PAK5: variants seen among roughly 807,000 people sequenced by gnomAD.
The protein encoded by PAK5 is serine/threonine-protein kinase PAK 5.
A neutral mutation model predicts 65.9 loss-of-function variants in PAK5; 16 were observed. The observed-to-expected ratio is 0.24, with a 90% CI of 0.16 to 0.37. The LOEUF is 0.37. Among genes scored for constraint, PAK5 ranks in the 10% least tolerant of loss-of-function variants. PAK5 has a pLI of 1.00. For missense variants in PAK5, 785 were observed against 903.9 expected, an observed-to-expected ratio of 0.87 and a Z score of 1.69; for synonymous variants, 371 against 354.9, an observed-to-expected ratio of 1.05 and a Z score of -0.51.
At chr20:9,749,354 A>G (rs1182218590) in intron 1 of PAK5, among the ~76,000 whole-genome samples, 1 of 152,158 alleles carries the variant, frequency 6.6e-6, no homozygotes, top group Non-Finnish European at 1.5e-5. Flanking sequence ...CTTTCTAATA[A>G]TCTATAATTC....
At chr20:9,676,608 G>T (rs755775248) in intron 2 of PAK5, among the ~76,000 whole-genome samples, 1 of 152,056 alleles carries the variant, frequency 6.6e-6, no homozygotes, top group Non-Finnish European at 1.5e-5. Context: ...AGGGAGAAAG[G>T]GACTTGTTCT....
At chr20:9,776,541 A>G (rs2048888915) in intron 1 of PAK5, among the ~76,000 whole-genome samples, 2 of 152,214 alleles carry the variant, frequency 1.3e-5, no homozygotes, top group South Asian at 4.1e-4. Flanking sequence ...GTTGGTTACA[A>G]ACAGAATAAG....
chr20:9,556,921 T>C (rs2045516296), intron 7 of PAK5, among the ~76,000 whole-genome samples: 1 of 151,854 alleles, frequency 6.6e-6, no homozygotes, highest in South Asian at 2.1e-4. Context: ...GGAAGAAGAG[T>C]GAGGTTGGAG....
intron 3 of PAK5, among the ~76,000 whole-genome samples, chr20:9,637,602 G>A (rs2046998642): frequency 6.6e-6 from 1 of 151,620 alleles, no homozygotes; most frequent in Non-Finnish European, 1.5e-5. Context: ...TCCCTTAGTA[G>A]AGAAATGGAT....
chr20:9,739,763 G>A (rs62192880), intron 1 of PAK5, among the ~76,000 whole-genome samples: 26,851 of 152,002 alleles, frequency 0.18, 2,618 homozygotes, highest in South Asian at 0.32. Context: ...AGGATAGAAG[G>A]GAAGTATGTT....
Position 9,708,740 on chromosome 20 carries a change from C to T in PAK5, c.-12+2546G>A, listed in dbSNP as rs143514078. ...CGTTACAAATACCAGGGAGTCGACA[C>T]TCCACACCTCCACCTAAGGGAGCAG... is the stretch of plus-strand genomic sequence containing the variant. On this transcript the variant is annotated intron_variant, in intron 2 of 9. Coordinates refer to ENST00000353224, the MANE Select transcript of PAK5 (RefSeq NM_177990.4). Among the ~76,000 whole-genome samples, 20 of 152,236 alleles carry T rather than the reference C, an allele frequency of 1.3e-4. No individual in the cohort carries two copies. In the East Asian group the frequency reaches 3.7e-3, roughly 28 times the overall value.
At chr20:9,645,882 A>G (rs1399476135) in intron 2 of PAK5, among the ~76,000 whole-genome samples, 2 of 152,116 alleles carry the variant, frequency 1.3e-5, no homozygotes, top group East Asian at 3.9e-4. Flanking sequence ...CACTGCGCCC[A>G]GCCTATCTTC....
intron 2 of PAK5, among the ~76,000 whole-genome samples, chr20:9,695,673 G>A (rs1344654113): frequency 6.6e-6 from 1 of 151,938 alleles, no homozygotes; most frequent in Non-Finnish European, 1.5e-5. Flanking sequence ...TCTATTGAAG[G>A]AATCTTCCAG....
At chr20:9,614,120 C>T (rs2046612429) in intron 3 of PAK5, among the ~76,000 whole-genome samples, 1 of 152,072 alleles carries the variant, frequency 6.6e-6, no homozygotes, top group Non-Finnish European at 1.5e-5. Flanking sequence ...TAAGCAAGAA[C>T]AGATGGGCAA....
chr20:9,539,549 GGCTGTT>G lies in PAK5; in HGVS notation c.2067_2072del (p.Thr690_Ala691del). On this transcript the variant is annotated inframe_deletion, in exon 10 of 10. Transcript: ENST00000353224. Reference sequence around the variant, plus strand: ...AGAATGGATGTCCGAGGAGTTCCTGGGCTGTTGCTCTCTGAGAGGGCTCCCTCACCA... The same window carrying G: ...AGAATGGATGTCCGAGGAGTTCCTGGGCTCTCTGAGAGGGCTCCCTCACCA... 6.2e-7 allele frequency: 1 copy of G among 1,613,496 alleles called. No homozygotes were observed. The highest frequency in any genetic ancestry group is 8.5e-7 in the Non-Finnish European group (1 of 1,179,694).
rs564679946 is a variant in PAK5 at position 9,744,747 on chromosome 20, T to A, written c.-161-33312A>T. 7.2e-5 allele frequency among the ~76,000 whole-genome samples: 11 copies of A among 152,334 alleles called. No homozygotes were observed. The East Asian group carries it at 2.1e-3, about 29-fold the overall frequency. On this transcript the variant is annotated intron_variant, in intron 1 of 9. Coordinates refer to ENST00000353224, the MANE Select transcript of PAK5 (RefSeq NM_177990.4). ...TCATGCATGCTGTGACTTCAGCCTA[T>A]CTCCTCTTGCCTTTGGGGTAATGGT...
At chr20:9,652,056 TTTTTC>T (rs948030520) in intron 2 of PAK5, among the ~76,000 whole-genome samples, 74 of 152,168 alleles carry the variant, frequency 4.9e-4, no homozygotes, top group African/African-American at 1.7e-3. Flanking sequence ...CGAAGAGAGA[TTTTTC>T]TTTTCTTAGC....
At chr20:9,833,791 T>C (rs1978930643) in intron 1 of PAK5, among the ~76,000 whole-genome samples, 1 of 152,204 alleles carries the variant, frequency 6.6e-6, no homozygotes, top group East Asian at 1.9e-4. Context: ...GGTATGTCTT[T>C]CTTTGTTTGC....
chr20:9,686,160 T>C (rs2123418579), intron 2 of PAK5, among the ~76,000 whole-genome samples: 1 of 152,318 alleles, frequency 6.6e-6, no homozygotes, highest in African/African-American at 2.4e-5. Context: ...GTCACCAGTG[T>C]AATAAACAGG....
intron 1 of PAK5, among the ~76,000 whole-genome samples, chr20:9,788,353 A>G (rs1286348725): frequency 6.6e-6 from 1 of 151,962 alleles, no homozygotes; most frequent in African/African-American, 2.4e-5. Flanking sequence ...AAGACTTGTC[A>G]GGGCACATAC....
At chr20:9,542,772 GTCAAGTGTGTCCACAGAACC>G (rs775992205) in intron 8 of PAK5, 52 bp from the exon 9 acceptor site, 338 of 1,545,930 alleles carry the variant, frequency 2.2e-4, no homozygotes, top group Middle Eastern at 8.6e-4. Flanking sequence ...ATTCTGAAAT[GTCAAGTGTGTCCACAGAACC>G]TCATACTCAT....
intron 6 of PAK5, among the ~76,000 whole-genome samples, chr20:9,560,680 T>C (rs547909377): frequency 6.6e-6 from 1 of 152,308 alleles, no homozygotes; most frequent in Admixed American, 6.5e-5. Context: ...TTTTCCTGTT[T>C]GAATTGTAGC....
intron 3 of PAK5, among the ~76,000 whole-genome samples, chr20:9,605,449 A>G (rs138553740): frequency 1.3e-5 from 2 of 152,212 alleles, no homozygotes; most frequent in African/African-American, 4.8e-5. Flanking sequence ...TCTGTCACCT[A>G]ACTATAAGGT....
intron 1 of PAK5, among the ~76,000 whole-genome samples, chr20:9,815,523 C>T (rs2049346486): frequency 6.6e-6 from 1 of 152,114 alleles, no homozygotes; most frequent in Non-Finnish European, 1.5e-5. Context: ...CAGACCCTCC[C>T]CAGCTCTGAC....
Sources: allele counts gnomAD v4.1 joint callset (sites outside exome capture counted in the v4.1 genomes callset), GRCh38; gene constraint gnomAD v4.1.1; transcripts MANE v1.5; gene names NCBI Gene and HGNC (gene_info 2026-07-23, HGNC 2026-07-21).